Variants in TBCE observed in about 807,000 individuals in gnomAD.
TBCE encodes the protein tubulin-specific chaperone E.
A neutral mutation model predicts 77.0 loss-of-function variants in TBCE; 53 were observed. The observed-to-expected ratio is 0.69, with a 90% confidence interval of 0.55 to 0.87. The LOEUF is 0.87. Among genes scored for constraint, TBCE ranks in the 40% least tolerant of loss-of-function variants. TBCE has a pLI of 0.00. For synonymous variants in TBCE, 235 were observed against 241.3 expected, an observed-to-expected ratio of 0.97 and a Z score of 0.24; for missense variants, 624 against 622.4, an observed-to-expected ratio of 1.00 and a Z score of -0.03.
chr1:235,382,083 T>C (rs1227196091), intron 2 of TBCE, among the ~76,000 whole-genome samples: 79 of 151,030 alleles, frequency 5.2e-4, no homozygotes, highest in Non-Finnish European at 4.6e-4. Flanking sequence ...TTTGTCCTTG[T>C]GATAGTTTAC....
intron 15 of TBCE, among the ~76,000 whole-genome samples, chr1:235,446,244 C>T (rs763416966): frequency 2.0e-5 from 3 of 152,114 alleles, no homozygotes; most frequent in Admixed American, 6.5e-5. Context: ...GGCATGATCT[C>T]GGCTCACTGC....
chr1:235,406,795 G>A (rs532739770), intron 3 of TBCE, among the ~76,000 whole-genome samples: 40 of 144,908 alleles, frequency 2.8e-4, no homozygotes, highest in African/African-American at 1.0e-3. Flanking sequence ...CTCCCAAAGT[G>A]CTGGGATTAC....
At chr1:235,393,585 G>C (rs1427222702) in intron 2 of TBCE, among the ~76,000 whole-genome samples, 1 of 143,448 alleles carries the variant, frequency 7.0e-6, no homozygotes, top group Non-Finnish European at 1.5e-5. Flanking sequence ...TTTTATTGCT[G>C]TTCTTGTTCC....
At chr1:235,390,787 TAGAGGCAGA>T (rs1678341330) in intron 2 of TBCE, among the ~76,000 whole-genome samples, 4 of 147,882 alleles carry the variant, frequency 2.7e-5, no homozygotes, top group Admixed American at 1.4e-4. Context: ...AAGTAGAAGC[TAGAGGCAGA>T]AGAGGCAGTG....
intron 15 of TBCE, among the ~76,000 whole-genome samples, chr1:235,447,649 C>G (rs1312271282): frequency 6.6e-6 from 1 of 152,146 alleles, no homozygotes; most frequent in Non-Finnish European, 1.5e-5. Flanking sequence ...AGTCCCATTC[C>G]AGTGTTCGTT....
chr1:235,381,003 TCGAA>T (rs34607351), intron 2 of TBCE, among the ~76,000 whole-genome samples: 23,616 of 151,874 alleles, frequency 0.16, 2,423 homozygotes, highest in African/African-American at 0.29. Context: ...CAGGCTGGTC[TCGAA>T]CTCCTGAGGT....
At chr1:235,410,029 CAAACAA>C (rs1038986026) in intron 3 of TBCE, among the ~76,000 whole-genome samples, 2 of 147,880 alleles carry the variant, frequency 1.4e-5, no homozygotes, top group East Asian at 4.1e-4. Flanking sequence ...GACTCTGTCT[CAAACAA>C]AAACAAAAAC....
intron 2 of TBCE, among the ~76,000 whole-genome samples, chr1:235,384,087 T>C (rs1321933008): frequency 4.0e-5 from 6 of 149,444 alleles, no homozygotes; most frequent in Non-Finnish European, 6.0e-5. Context: ...GTGGTTTTTG[T>C]CTTTGGTTCT....
intron 2 of TBCE, among the ~76,000 whole-genome samples, chr1:235,381,903 T>C (rs1677680570): frequency 6.7e-6 from 1 of 149,148 alleles, no homozygotes; most frequent in South Asian, 2.1e-4. Context: ...CATGCTGGTG[T>C]GCTGCACCCA....
chr1:235,420,093 A>G (rs1334337015), intron 5 of TBCE, among the ~76,000 whole-genome samples: 2 of 152,082 alleles, frequency 1.3e-5, no homozygotes, highest in African/African-American at 4.8e-5. Flanking sequence ...AAAAAAAAAG[A>G]AAGGGGGCAC....
Position 235,443,024 on chromosome 1 carries a change from C to G in TBCE, c.1399+113C>G, listed in dbSNP as rs548228406. On this transcript the variant is annotated intron_variant, in intron 15 of 16. Coordinates refer to ENST00000642610, the MANE Select transcript of TBCE (RefSeq NM_003193.5). Reference sequence around the variant, plus strand: ...CTCAAAGTGTGGACCTCAGAACTTACAGGTTTTCATTAGTCTTTTATATTC... The same window carrying G: ...CTCAAAGTGTGGACCTCAGAACTTAGAGGTTTTCATTAGTCTTTTATATTC... The G allele has an allele frequency of 6.6e-5, 69 of 1,042,730 alleles. 1 individual carries two copies. In the African/African-American group the frequency reaches 9.7e-4, roughly 15 times the overall value. The allele number at this position is 1,042,730 out of a possible 1,614,324, so 64.6% of individuals were successfully genotyped here.
Position 235,374,207 on chromosome 1 carries a change from C to T in TBCE, c.-31-5812C>T, listed in dbSNP as rs554898782. The stretch of plus-strand genomic sequence containing the variant: ...CTGACCTCAGATAATCCACCCTCCT[C>T]GGCCTCCCAAAGTACTGGGATTACA... On this transcript the variant is annotated intron_variant, in intron 1 of 16. Coordinates refer to ENST00000642610, the MANE Select transcript of TBCE (RefSeq NM_003193.5). Among the ~76,000 whole-genome samples the T allele has an allele frequency of 2.5e-4, 37 of 145,516 alleles. 5 individuals are homozygous for T. The highest frequency in any genetic ancestry group is 2.1e-4 in the South Asian group (1 of 4,664).
At chr1:235,420,526 A>G (rs948959349) in intron 5 of TBCE, among the ~76,000 whole-genome samples, 6 of 125,932 alleles carry the variant, frequency 4.8e-5, no homozygotes, top group African/African-American at 1.5e-4. Context: ...CTCTGTTGCC[A>G]GGCTGCAGTG....
chr1:235,395,536 C>T (rs933132908), intron 2 of TBCE, among the ~76,000 whole-genome samples: 2 of 149,278 alleles, frequency 1.3e-5, no homozygotes, highest in African/African-American at 5.0e-5. Flanking sequence ...CATCATTCTA[C>T]TTCTTCTTCT....
At chr1:235,396,479 T>C (rs1678727126) in intron 2 of TBCE, among the ~76,000 whole-genome samples, 1 of 152,208 alleles carries the variant, frequency 6.6e-6, no homozygotes, top group Admixed American at 6.5e-5. Context: ...TTCTATATAC[T>C]GGTTTTCTTT....
rs1678464385 is a variant in TBCE, at chr1:235,392,595, G to A, written c.101-8908G>A. ...CCAGCTAATTTTTGTATTATTGGTA[G>A]AGATGGGGTTTCACTGTGTTGGCCA... On this transcript the variant is annotated intron_variant, in intron 2 of 16. Transcript: ENST00000642610. 1.3e-5 allele frequency among the ~76,000 whole-genome samples: 2 copies of A among 151,282 alleles called. 1 individual carries two copies. The highest frequency in any genetic ancestry group is 4.2e-4 in the South Asian group (2 of 4,784).
intron 4 of TBCE, 135 bp from the exon 5 acceptor site, chr1:235,419,338 T>G (rs980049035): frequency 1.6e-6 from 2 of 1,269,880 alleles, no homozygotes; most frequent in East Asian, 2.5e-5. Context: ...TATTTCTTAA[T>G]TTGGGTGGTG....
intron 6 of TBCE, chr1:235,430,208 G>A (rs1394017640): frequency 1.3e-5 from 2 of 156,410 alleles, no homozygotes; most frequent in Admixed American, 6.3e-5. Context: ...TGACTGTCAG[G>A]ATTGAATACT....
intron 2 of TBCE, among the ~76,000 whole-genome samples, chr1:235,390,603 A>G (rs1412965170): frequency 2.0e-5 from 3 of 151,968 alleles, no homozygotes; most frequent in Non-Finnish European, 4.4e-5. Flanking sequence ...AATACAAAAA[A>G]TACAAAAATT....
Sources: allele counts gnomAD v4.1 joint callset (sites outside exome capture counted in the v4.1 genomes callset), GRCh38; gene constraint gnomAD v4.1.1; transcripts MANE v1.5; gene names NCBI Gene and HGNC (gene_info 2026-07-23, HGNC 2026-07-21).